The following PCDHGA6 variants were observed in gnomAD, a reference collection of about 807,000 sequenced individuals.
PCDHGA6 encodes the protein protocadherin gamma subfamily A, 6, also known as protocadherin gamma-A6.
In PCDHGA6, 41 loss-of-function variants were observed where a neutral mutation model predicts 60.6. That is an observed-to-expected ratio of 0.68 (90% CI 0.53 to 0.88). The LOEUF (loss-of-function observed/expected upper bound fraction) is 0.88, where lower values mean the gene tolerates loss of function less well. PCDHGA6 is among the 40% of genes least tolerant of loss of function. PCDHGA6 has a pLI of 0.00. For missense variants in PCDHGA6, 1,312 were observed against 1,203.0 expected (o/e 1.09, Z -1.34); for synonymous variants, 594 against 524.4 (o/e 1.13, Z -1.81).
chr5:141,406,406 C>T (rs976555739), intron 1 of PCDHGA6, among the ~76,000 whole-genome samples: 18 of 152,174 alleles, frequency 1.2e-4, no homozygotes, highest in Non-Finnish European at 1.8e-4. Context: ...CTTAGAGAAA[C>T]AGCTGAAAGC....
chr5:141,423,237 C>T (rs761825236), intron 1 of PCDHGA6: 74 of 1,613,798 alleles, frequency 4.6e-5, no homozygotes, highest in Middle Eastern at 3.3e-4. Flanking sequence ...ACAGCATCCC[C>T]GAAGTCCTGG....
In PCDHGA6 at chr5:141,415,645, A is replaced by T. The variant is rs200555070; in HGVS notation, c.2424+39138A>T. On this transcript the variant is annotated intron_variant, in intron 1 of 3. Transcript: ENST00000517434. The stretch of plus-strand genomic sequence containing the variant: ...TATTTTCATTTTTACTTTTGTTAAA[A>T]AAAAAAAGATTGGTTTTTACTTTGA... The T allele has an allele frequency of 3.5e-3, 5,682 of 1,600,720 alleles. 22 individuals carry two copies. The highest frequency in any genetic ancestry group is 5.0e-3 in the Middle Eastern group (30 of 6,044).
chr5:141,488,046 G>A (rs958459817), intron 1 of PCDHGA6, among the ~76,000 whole-genome samples: 1 of 152,182 alleles, frequency 6.6e-6, no homozygotes, highest in African/African-American at 2.4e-5. Flanking sequence ...CCAAGGGATT[G>A]AGGGGAAATA....
intron 1 of PCDHGA6, chr5:141,471,461 T>C (rs1409374601): frequency 6.6e-6 from 1 of 152,194 alleles, no homozygotes; most frequent in Non-Finnish European, 1.5e-5. Flanking sequence ...GAAAGATTAC[T>C]CAGGTCTCTG....
At chr5:141,461,794 C>T (rs191966750) in intron 1 of PCDHGA6, among the ~76,000 whole-genome samples, 7 of 152,134 alleles carry the variant, frequency 4.6e-5, no homozygotes, top group African/African-American at 1.7e-4. Flanking sequence ...GCTGGGATTA[C>T]AGGTGCCCAC....
Position 141,376,317 on chromosome 5 carries a change from G to A in PCDHGA6, c.2234G>A (p.Gly745Glu). The change falls in exon 1 of 4, where the codon GGG becomes GAG. Residue 745 changes from glycine to glutamate, a missense_variant. Transcript: ENST00000517434. ...GGCTCGCACTTTGTGGGCGTGGAAG[G>A]GGTTCGGGCTTTCCTGCAGACCTAT... ...MPGSHFVGVE[G>E]VRAFLQTYSH... 1 of 1,614,202 alleles carries A rather than the reference G, an allele frequency of 6.2e-7. No homozygotes were observed. Among genetic ancestry groups the A allele is most frequent in the East Asian group, 2.2e-5 (1 of 44,880 alleles).
chr5:141,387,194 G>T (rs867598874), intron 1 of PCDHGA6, among the ~76,000 whole-genome samples: 1 of 152,178 alleles, frequency 6.6e-6, no homozygotes, highest in Non-Finnish European at 1.5e-5. Flanking sequence ...GGCAATTTTG[G>T]TATTACTGAT....
At chr5:141,460,331 A>T (rs537463160) in intron 1 of PCDHGA6, among the ~76,000 whole-genome samples, 3 of 152,212 alleles carry the variant, frequency 2.0e-5, no homozygotes, top group African/African-American at 7.2e-5. Flanking sequence ...AAAACTTATG[A>T]TGATTTTCTC....
chr5:141,502,027 C>T (rs547850211), intron 2 of PCDHGA6, among the ~76,000 whole-genome samples: 6 of 152,274 alleles, frequency 3.9e-5, no homozygotes, highest in African/African-American at 9.6e-5. Flanking sequence ...CTGCAACCCC[C>T]GCCGCTTGCC....
chr5:141,403,476 A>G lies in PCDHGA6; in HGVS notation c.2424+26969A>G, dbSNP rs1258805283. The G allele has an allele frequency of 5.6e-6, 9 of 1,613,972 alleles. No homozygotes were observed. In the Admixed American group the frequency reaches 8.3e-5, roughly 15 times the overall value. On this transcript the variant is annotated intron_variant, in intron 1 of 3. Coordinates refer to ENST00000517434, the MANE Select transcript of PCDHGA6 (RefSeq NM_018919.3). ...CTCCAGAGCTACCAGCTCAGCCCCA[A>G]TCACCACTTCTCCCTGAACGTGCAG...
chr5:141,427,222 A>G (rs536161247), intron 1 of PCDHGA6: 1 of 456,774 alleles, frequency 2.2e-6, no homozygotes, highest in South Asian at 1.5e-5. Flanking sequence ...CGTAGCAGTT[A>G]TACCATGAGA....
At chr5:141,391,795 A>G (rs1220181718) in intron 1 of PCDHGA6, 2 of 152,206 alleles carry the variant, frequency 1.3e-5, no homozygotes, top group African/African-American at 4.8e-5. Context: ...GCAGTTTTTT[A>G]GATCAAAGTG....
At chr5:141,417,900 G>T (rs563876979) in intron 1 of PCDHGA6, 1 of 1,583,452 alleles carries the variant, frequency 6.3e-7, no homozygotes, top group African/African-American at 1.3e-5. Flanking sequence ...GCCGGCCCGC[G>T]GCAGGTACTA....
chr5:141,401,765 G>C (rs2094191872), intron 1 of PCDHGA6, among the ~76,000 whole-genome samples: 1 of 152,138 alleles, frequency 6.6e-6, no homozygotes. Context: ...CATGGTATAA[G>C]TCTTTTGCTT....
intron 1 of PCDHGA6, chr5:141,414,753 T>A: frequency 6.2e-7 from 1 of 1,614,202 alleles, no homozygotes; most frequent in Non-Finnish European, 8.5e-7. Flanking sequence ...CCTTCGACTA[T>A]GAGCAGTTTC....
Position 141,486,170 on chromosome 5 carries a change from C to A in PCDHGA6, c.2425-8637C>A. ...TGGGGGTTCTCCAGCCATGGAGCAACATTGCAGCCTTCGAGTGGATCTGCT... is the reference window on the plus strand; with the variant it reads ...TGGGGGTTCTCCAGCCATGGAGCAAAATTGCAGCCTTCGAGTGGATCTGCT... On this transcript the variant is annotated intron_variant, in intron 1 of 3. Coordinates refer to ENST00000517434, the MANE Select transcript of PCDHGA6 (RefSeq NM_018919.3). This position sits in a 1 kb window ranked among gnomAD's most constrained non-coding sequence, Gnocchi z 5.0. 6.2e-7 allele frequency: 1 copy of A among 1,614,234 alleles called. No homozygotes were observed. Among genetic ancestry groups the A allele is most frequent in the African/African-American group, 1.3e-5 (1 of 75,052 alleles).
At chr5:141,403,773 A>G (rs1286965459) in intron 1 of PCDHGA6, 5 of 1,613,956 alleles carry the variant, frequency 3.1e-6, no homozygotes, top group Non-Finnish European at 4.2e-6. Flanking sequence ...GAGGGAATCA[A>G]CGGAAAAGTG....
In PCDHGA6 at chr5:141,422,884, G is replaced by C. The variant is rs202035589; in HGVS notation, c.2424+46377G>C. On this transcript the variant is annotated intron_variant, in intron 1 of 3. Transcript: ENST00000517434. ...CAGCAACGTGTCGCTGAGCCTGTTC[G>C]TGCTGGACCAGAACGACAATGCGCC... The C allele has an allele frequency of 1.7e-4, 278 of 1,614,240 alleles. No homozygotes were observed. The African/African-American group carries it at 2.0e-3, about 12-fold the overall frequency.
chr5:141,440,667 T>C (rs1330266877), intron 1 of PCDHGA6: 1 of 152,218 alleles, frequency 6.6e-6, no homozygotes, highest in East Asian at 1.9e-4. Context: ...GCAGCAACTC[T>C]ATATTTCTCT....
Sources: gnomAD v4.1 joint callset for allele counts (sites outside exome capture counted in the v4.1 genomes callset) on GRCh38, gnomAD v4.1.1 for gene constraint, Gnocchi (gnomAD v3.1) non-coding constraint, MANE v1.5 for transcripts, NCBI Gene and HGNC (gene_info 2026-07-23, HGNC 2026-07-21) for gene names.